GPM6A: variants seen among roughly 807,000 people sequenced by gnomAD.
GPM6A encodes neuronal membrane glycoprotein M6-a.
GPM6A carries 7 observed loss-of-function variants against 32.1 expected under a neutral mutation model. The observed-to-expected ratio is 0.22, with a 90% CI of 0.12 to 0.41. The LOEUF is 0.41. GPM6A is among the 10% of genes least tolerant of loss of function. The pLI is 1.00. For missense variants in GPM6A, 235 were observed against 347.2 expected, an observed-to-expected ratio of 0.68 and a Z score of 2.57; for synonymous variants, 130 against 123.4, an observed-to-expected ratio of 1.05 and a Z score of -0.35.
chr4:175,662,643 G>C (rs955712820), intron 3 of GPM6A, among the ~76,000 whole-genome samples: 1 of 151,682 alleles, frequency 6.6e-6, no homozygotes, highest in East Asian at 1.9e-4. Context: ...CATTTAGCAG[G>C]TATTTAAATA....
In GPM6A at chr4:175,779,528, C is replaced by T. The variant is rs1733531977; in HGVS notation, c.37+32663G>A. ...TGGGGCAACATGAACATGTGTTTGC[C>T]TTCTTGGTACTGTTCTACCACAGCT... is the stretch of plus-strand genomic sequence containing the variant. On this transcript the variant is annotated intron_variant, in intron 1 of 6. Coordinates refer to ENST00000393658, the MANE Select transcript of GPM6A (RefSeq NM_201591.3). 2.6e-5 allele frequency among the ~76,000 whole-genome samples: 4 copies of T among 152,042 alleles called. No individual in the cohort carries two copies. In the South Asian group the frequency reaches 8.3e-4, roughly 32 times the overall value.
intron 1 of GPM6A, among the ~76,000 whole-genome samples, chr4:175,996,562 G>A (rs965778679): frequency 6.6e-6 from 1 of 152,112 alleles, no homozygotes; most frequent in Non-Finnish European, 1.5e-5. Flanking sequence ...AGACTCAAGG[G>A]AAAATAAGGA....
chr4:175,991,930 A>T (rs1052727075), intron 1 of GPM6A, among the ~76,000 whole-genome samples: 1 of 152,170 alleles, frequency 6.6e-6, no homozygotes, highest in African/African-American at 2.4e-5. Flanking sequence ...TAAATGAATC[A>T]TTTCTAGGAC....
At chr4:175,879,046 T>A (rs1412026166) in intron 1 of GPM6A, among the ~76,000 whole-genome samples, 1 of 152,156 alleles carries the variant, frequency 6.6e-6, no homozygotes, top group Non-Finnish European at 1.5e-5. Flanking sequence ...ATGCTGACAG[T>A]CTTTTGCTAA....
At chr4:175,843,374 C>G (rs185389840) in intron 1 of GPM6A, among the ~76,000 whole-genome samples, 1 of 152,226 alleles carries the variant, frequency 6.6e-6, no homozygotes, top group Non-Finnish European at 1.5e-5. Context: ...ATCTACTGAA[C>G]AGAGGCCCCT....
chr4:175,803,054 T>C (rs1015983893), intron 1 of GPM6A, among the ~76,000 whole-genome samples: 1 of 151,946 alleles, frequency 6.6e-6, no homozygotes, highest in Non-Finnish European at 1.5e-5. Context: ...AGGGGAAAAA[T>C]TGTGTTTTAT....
At chr4:175,863,869 C>T (rs995027153) in intron 1 of GPM6A, among the ~76,000 whole-genome samples, 52 of 152,066 alleles carry the variant, frequency 3.4e-4, no homozygotes, top group Non-Finnish European at 5.4e-4. Flanking sequence ...GCTGTGGTGG[C>T]AGATGCCTGT....
chr4:175,861,942 T>C (rs925069734), intron 1 of GPM6A, among the ~76,000 whole-genome samples: 2 of 151,888 alleles, frequency 1.3e-5, no homozygotes, highest in Admixed American at 6.6e-5. Flanking sequence ...GAAAGTAGCA[T>C]ATTTTCTATA....
rs552207935 is a variant in GPM6A, at chr4:175,661,351, C to A, written c.388-9364G>T. ...TTGGGAGGCTGAGCCAGGAGAATCA[C>A]TTGAACCCAGGAGGTGGAGGTTTCA... is the stretch of plus-strand genomic sequence containing the variant. On this transcript the variant is annotated intron_variant, in intron 3 of 6. Transcript: ENST00000393658. Among the ~76,000 whole-genome samples, 10 of 151,106 alleles carry A rather than the reference C, an allele frequency of 6.6e-5. No individual in the cohort carries two copies. The East Asian group carries it at 2.0e-3, about 30-fold the overall frequency.
chr4:175,656,401 A>G (rs1337811229), intron 3 of GPM6A, among the ~76,000 whole-genome samples: 1 of 152,136 alleles, frequency 6.6e-6, no homozygotes, highest in African/African-American at 2.4e-5. Flanking sequence ...TTTACTCAGT[A>G]TAAATTTCTT....
At chr4:175,968,797 G>A (rs1740410443) in intron 1 of GPM6A, among the ~76,000 whole-genome samples, 4 of 152,192 alleles carry the variant, frequency 2.6e-5, no homozygotes, top group Admixed American at 2.0e-4. Flanking sequence ...CAAGGATGTA[G>A]AGAAATAGGA....
chr4:175,898,138 C>T (rs185104924), intron 1 of GPM6A, among the ~76,000 whole-genome samples: 1 of 152,152 alleles, frequency 6.6e-6, no homozygotes, highest in Non-Finnish European at 1.5e-5. Context: ...CCCCTTAAAC[C>T]AGTGCAACTG....
chr4:175,770,281 C>T (rs1275945708), intron 1 of GPM6A, among the ~76,000 whole-genome samples: 2 of 152,210 alleles, frequency 1.3e-5, no homozygotes, highest in African/African-American at 2.4e-5. Flanking sequence ...CCACCTTGGC[C>T]TCCCAAAGTG....
chr4:175,661,434 CA>C (rs3032612), intron 3 of GPM6A, among the ~76,000 whole-genome samples: 20,818 of 111,790 alleles, frequency 0.19, 1,301 homozygotes, highest in Middle Eastern at 0.22. Context: ...GACTCTGTCT[CA>C]AAAAAAAAAA....
At chr4:175,942,618 A>G (rs940577444) in intron 1 of GPM6A, among the ~76,000 whole-genome samples, 1 of 152,104 alleles carries the variant, frequency 6.6e-6, no homozygotes, top group Non-Finnish European at 1.5e-5. Context: ...TCCCAACACC[A>G]TTTATTAAAT....
intron 1 of GPM6A, among the ~76,000 whole-genome samples, chr4:175,992,062 A>ACGCACG (rs533413071): frequency 7.0e-6 from 1 of 142,174 alleles, no homozygotes; most frequent in Non-Finnish European, 1.5e-5. Context: ...ACACACATGC[A>ACGCACG]CACACACACA....
chr4:175,995,899 G>A (rs1048949094), intron 1 of GPM6A, among the ~76,000 whole-genome samples: 12 of 146,020 alleles, frequency 8.2e-5, no homozygotes, highest in East Asian at 1.9e-4. Context: ...TGGTTATGTC[G>A]TTCATACAGG....
At chr4:175,852,281 A>G (rs954619011) in intron 1 of GPM6A, among the ~76,000 whole-genome samples, 1 of 151,884 alleles carries the variant, frequency 6.6e-6, no homozygotes. Flanking sequence ...GAGAATAAGA[A>G]AAAAAAAGGA....
chr4:175,987,526 G>GTGTC (rs1270172368), intron 1 of GPM6A, among the ~76,000 whole-genome samples: 1 of 139,446 alleles, frequency 7.2e-6, no homozygotes. Flanking sequence ...AAGTGTGTTT[G>GTGTC]TGTGTGTGTG....
Sources: gnomAD v4.1 joint callset for allele counts (sites outside exome capture counted in the v4.1 genomes callset) on GRCh38, gnomAD v4.1.1 for gene constraint, MANE v1.5 for transcripts, NCBI Gene and HGNC (gene_info 2026-07-23, HGNC 2026-07-21) for gene names.